FGF14: variants seen among roughly 807,000 people sequenced by gnomAD.
FGF14 encodes fibroblast growth factor 14.
Under a neutral mutation model 25.5 loss-of-function variants are expected in FGF14, and 5 were observed. The ratio of observed to expected loss-of-function variants is 0.20; its 90% confidence interval spans 0.10 to 0.41. FGF14 has a LOEUF of 0.41. Among genes scored for constraint, FGF14 ranks in the 10% least tolerant of loss-of-function variants. The pLI is 1.00. For synonymous variants in FGF14, 138 were observed against 118.3 expected, an observed-to-expected ratio of 1.17 and a Z score of -1.08; for missense variants, 222 against 320.1, an observed-to-expected ratio of 0.69 and a Z score of 2.34.
At chr13:102,135,189 C>T (rs1336284747) in intron 1 of FGF14, among the ~76,000 whole-genome samples, 5 of 152,110 alleles carry the variant, frequency 3.3e-5, no homozygotes, top group African/African-American at 1.2e-4. Flanking sequence ...GCCTGGGTGA[C>T]AGAGCAAGAC....
In FGF14 at chr13:101,853,833, T is replaced by G. The variant is rs149485487; in HGVS notation, c.408+14892A>C. Among the ~76,000 whole-genome samples, 997 of 152,158 alleles carry G rather than the reference T, an allele frequency of 6.6e-3. 8 individuals carry two copies. Among genetic ancestry groups the G allele is most frequent in the African/African-American group, 0.023 (938 of 41,530 alleles). On this transcript the variant is annotated intron_variant, in intron 3 of 4. Transcript: ENST00000376143. ...TTGGGGAATAAAAAAAATTACAGAC[T>G]GATACTCAAGTATTCATTATATATA...
chr13:102,106,654 A>G (rs1457154432), intron 1 of FGF14, among the ~76,000 whole-genome samples: 2 of 152,070 alleles, frequency 1.3e-5, no homozygotes. Context: ...AAAGAAAAGA[A>G]AAAGAACTGA....
At chr13:102,246,648 C>T (rs1190486495) in intron 1 of FGF14, among the ~76,000 whole-genome samples, 1 of 151,852 alleles carries the variant, frequency 6.6e-6, no homozygotes, top group Non-Finnish European at 1.5e-5. Flanking sequence ...TTTAAAATGG[C>T]CATATTCCAC....
At chr13:102,042,980 C>T (rs2041813686) in intron 1 of FGF14, among the ~76,000 whole-genome samples, 1 of 152,114 alleles carries the variant, frequency 6.6e-6, no homozygotes, top group Non-Finnish European at 1.5e-5. Flanking sequence ...AAGAGAATCA[C>T]TGGACTAAAA....
At chr13:101,978,294 G>A in intron 1 of FGF14, among the ~76,000 whole-genome samples, 1 of 152,186 alleles carries the variant, frequency 6.6e-6, no homozygotes, top group East Asian at 1.9e-4. Flanking sequence ...GCAGAATGGT[G>A]ATATTTGATG....
At chr13:102,143,790 G>A (rs764123045) in intron 1 of FGF14, among the ~76,000 whole-genome samples, 4 of 152,156 alleles carry the variant, frequency 2.6e-5, no homozygotes, top group Admixed American at 6.5e-5. Context: ...AATTAAAACC[G>A]TTGCTTCCTT....
chr13:102,083,582 A>G (rs1454888651), intron 1 of FGF14, among the ~76,000 whole-genome samples: 1 of 152,210 alleles, frequency 6.6e-6, no homozygotes, highest in Non-Finnish European at 1.5e-5. Context: ...CCAACTGCCA[A>G]CGAAAGAAGC....
intron 3 of FGF14, among the ~76,000 whole-genome samples, chr13:101,788,409 T>C (rs1045755615): frequency 6.4e-4 from 98 of 152,248 alleles, no homozygotes; most frequent in African/African-American, 2.2e-3. Context: ...GGGACTGTAA[T>C]TAGCATCCTC....
intron 1 of FGF14, among the ~76,000 whole-genome samples, chr13:102,187,128 A>C (rs1018026376): frequency 6.6e-6 from 1 of 152,196 alleles, no homozygotes; most frequent in African/African-American, 2.4e-5. Flanking sequence ...TTTTCCCATT[A>C]ACTCAAGATA....
intron 1 of FGF14, among the ~76,000 whole-genome samples, chr13:102,025,232 C>T (rs2040864740): frequency 6.6e-6 from 1 of 151,756 alleles, no homozygotes; most frequent in Non-Finnish European, 1.5e-5. Context: ...AAAATGCCAG[C>T]TGGGATTTTG....
intron 1 of FGF14, chr13:102,002,625 T>G (rs2039558440): frequency 6.5e-6 from 1 of 154,972 alleles, no homozygotes. Context: ...CAGGAACAGC[T>G]TCTAAGATTA....
At chr13:101,893,348 G>T (rs1480515352) in intron 1 of FGF14, among the ~76,000 whole-genome samples, 1 of 152,196 alleles carries the variant, frequency 6.6e-6, no homozygotes, top group Non-Finnish European at 1.5e-5. Context: ...GCCAAGTGCT[G>T]CTATGGCATT....
chr13:101,837,172 G>A (rs2042965758), intron 3 of FGF14, among the ~76,000 whole-genome samples: 1 of 152,012 alleles, frequency 6.6e-6, no homozygotes, highest in East Asian at 1.9e-4. Flanking sequence ...TACTATATGT[G>A]TGTGTGTGTG....
intron 1 of FGF14, among the ~76,000 whole-genome samples, chr13:101,980,237 A>G (rs2139603077): frequency 6.6e-6 from 1 of 152,268 alleles, no homozygotes; most frequent in East Asian, 1.9e-4. Flanking sequence ...TGTTCTAATA[A>G]TTTAAGTTAC....
chr13:102,327,435 C>T (rs528044694), intron 1 of FGF14, among the ~76,000 whole-genome samples: 20 of 152,284 alleles, frequency 1.3e-4, no homozygotes, highest in African/African-American at 4.1e-4. Flanking sequence ...CTAACAGATG[C>T]CTCCAACTCC....
chr13:101,858,012 GAA>G (rs537753257), intron 3 of FGF14, among the ~76,000 whole-genome samples: 121 of 151,860 alleles, frequency 8.0e-4, no homozygotes, highest in African/African-American at 2.6e-3. Flanking sequence ...TGGAAAAAAA[GAA>G]AAAAGTTGTT....
intron 1 of FGF14, among the ~76,000 whole-genome samples, chr13:102,124,290 T>C (rs1421168368): frequency 6.6e-6 from 1 of 151,074 alleles, no homozygotes; most frequent in Non-Finnish European, 1.5e-5. Flanking sequence ...GGACAAAAGG[T>C]AGTATAGGAA....
chr13:102,135,366 CA>C (rs767469120), intron 1 of FGF14, among the ~76,000 whole-genome samples: 4 of 152,182 alleles, frequency 2.6e-5, no homozygotes, highest in Non-Finnish European at 4.4e-5. Flanking sequence ...TTACGTGGAA[CA>C]AAGTCTGCTT....
intron 1 of FGF14, among the ~76,000 whole-genome samples, chr13:102,390,461 T>C (rs967150654): frequency 6.6e-6 from 1 of 152,238 alleles, no homozygotes; most frequent in African/African-American, 2.4e-5. Flanking sequence ...ACTGATCACT[T>C]TCACAAGCAT....
Sources: gnomAD v4.1 joint callset for allele counts (sites outside exome capture counted in the v4.1 genomes callset) on GRCh38, gnomAD v4.1.1 for gene constraint, MANE v1.5 for transcripts, NCBI Gene and HGNC (gene_info 2026-07-23, HGNC 2026-07-21) for gene names.